LMBR1: variants seen among roughly 807,000 people sequenced by gnomAD.
LMBR1 encodes limb development membrane protein 1.
A neutral mutation model predicts 73.9 loss-of-function variants in LMBR1; 52 were observed. That is an observed-to-expected ratio of 0.70 (90% CI 0.56 to 0.89). The LOEUF (loss-of-function observed/expected upper bound fraction) is 0.89. LMBR1 is among the 40% of genes least tolerant of loss of function. The pLI is 0.00. For synonymous variants in LMBR1, 215 were observed against 209.4 expected (o/e 1.03, Z -0.23); for missense variants, 539 against 579.8 (o/e 0.93, Z 0.72).
chr7:156,885,935 G>C (rs2134539495), intron 1 of LMBR1, among the ~76,000 whole-genome samples: 1 of 151,956 alleles, frequency 6.6e-6, no homozygotes, highest in East Asian at 1.9e-4. Flanking sequence ...AGCTACTCAA[G>C]AGGCTGAGGC....
intron 15 of LMBR1, among the ~76,000 whole-genome samples, chr7:156,699,425 A>T (rs9691209): frequency 6.6e-6 from 1 of 150,502 alleles, no homozygotes; most frequent in South Asian, 2.1e-4. Flanking sequence ...TAAAGACTTA[A>T]ATGTTAGACC....
At chr7:156,879,445 C>A (rs1382138134) in intron 1 of LMBR1, among the ~76,000 whole-genome samples, 1 of 151,998 alleles carries the variant, frequency 6.6e-6, no homozygotes, top group Non-Finnish European at 1.5e-5. Context: ...CGAGCAGATC[C>A]CGAGGTCAGG....
intron 4 of LMBR1, among the ~76,000 whole-genome samples, chr7:156,813,559 G>A (rs1264906070): frequency 6.6e-6 from 1 of 151,790 alleles, no homozygotes; most frequent in Non-Finnish European, 1.5e-5. Flanking sequence ...TGAAATATAC[G>A]TTCTCTTCAT....
At chr7:156,885,144 G>A (rs1801677595) in intron 1 of LMBR1, among the ~76,000 whole-genome samples, 1 of 152,100 alleles carries the variant, frequency 6.6e-6, no homozygotes, top group Non-Finnish European at 1.5e-5. Flanking sequence ...CCTGAGGTCA[G>A]GAGTTCAAGA....
chr7:156,757,177 T>C (rs1822052879), intron 8 of LMBR1, among the ~76,000 whole-genome samples: 1 of 152,178 alleles, frequency 6.6e-6, no homozygotes, highest in Non-Finnish European at 1.5e-5. Flanking sequence ...CTACAGTAAA[T>C]ATAGGCCCAA....
At chr7:156,891,558 T>C (rs375428915) in intron 1 of LMBR1, among the ~76,000 whole-genome samples, 2 of 152,196 alleles carry the variant, frequency 1.3e-5, no homozygotes, top group African/African-American at 2.4e-5. Flanking sequence ...GAGGAGAAAG[T>C]AATTGGAAGA....
chr7:156,848,050 G>A (rs1190437934), intron 1 of LMBR1, among the ~76,000 whole-genome samples: 2 of 149,998 alleles, frequency 1.3e-5, no homozygotes, highest in African/African-American at 4.9e-5. Context: ...AAATGTAGAA[G>A]ATCATTCAAC....
intron 1 of LMBR1, among the ~76,000 whole-genome samples, chr7:156,881,264 T>C (rs1801041629): frequency 6.6e-6 from 1 of 152,166 alleles, no homozygotes; most frequent in Admixed American, 6.5e-5. Context: ...CCTCAACAAA[T>C]GGTGTTGGGA....
intron 1 of LMBR1, among the ~76,000 whole-genome samples, chr7:156,845,440 TA>T (rs924798466): frequency 5.3e-5 from 8 of 151,952 alleles, no homozygotes; most frequent in Admixed American, 5.2e-4. Context: ...GACTATGTAG[TA>T]AAAGACAGGA....
chr7:156,828,994 C>T (rs529168022), intron 3 of LMBR1, among the ~76,000 whole-genome samples: 31 of 152,154 alleles, frequency 2.0e-4, no homozygotes, highest in Admixed American at 9.2e-4. Context: ...GCTCATTAGA[C>T]GCCCCTTTCC....
At position 156,682,099 on chromosome 7, in the gene LMBR1, A is replaced by G. The variant is rs1805157680; in HGVS notation, c.*1979T>C. ...CATGCATATCCTTTGCTTCAACAGC[A>G]GTGAGGATGCCTCCAGGAAGTGTAT... On this transcript the variant is annotated 3_prime_UTR_variant, in exon 17 of 17. Transcript: ENST00000353442. 6.6e-6 allele frequency: 1 copy of G among 152,294 alleles called. No homozygotes were observed. Among genetic ancestry groups the G allele is most frequent in the South Asian group, 2.1e-4 (1 of 4,836 alleles). The allele number at this position is 152,294 out of a possible 1,614,324, so 9.4% of individuals were successfully genotyped here.
chr7:156,834,326 C>T (rs1370643519), intron 2 of LMBR1, among the ~76,000 whole-genome samples: 2 of 152,050 alleles, frequency 1.3e-5, no homozygotes, highest in African/African-American at 4.8e-5. Flanking sequence ...ATTGGCTGGG[C>T]GCAATGGCTC....
chr7:156,671,896 C>T lies in LMBR1; in HGVS notation n.867-2609G>A, dbSNP rs118016827. On this transcript the variant is annotated intron_variant and non_coding_transcript_variant, in intron 4 of 4. Transcript: ENST00000430825. ...TTTGAAAATAAACGGTTCTAAATAA[C>T]GTATTAATCGAAGACAAAATTATAA... Among the ~76,000 whole-genome samples, 604 of 152,052 alleles carry T rather than the reference C, an allele frequency of 4.0e-3. 1 individual carries two copies. Among genetic ancestry groups the T allele is most frequent in the Non-Finnish European group, 7.2e-3 (491 of 68,014 alleles).
intron 1 of LMBR1, among the ~76,000 whole-genome samples, chr7:156,890,765 A>G (rs2134634265): frequency 6.6e-6 from 1 of 152,366 alleles, no homozygotes; most frequent in East Asian, 1.9e-4. Context: ...CACTGGTACA[A>G]CCACTTTGGA....
intron 5 of LMBR1, among the ~76,000 whole-genome samples, chr7:156,789,115 G>T (rs899614274): frequency 1.3e-5 from 2 of 152,094 alleles, no homozygotes; most frequent in Non-Finnish European, 2.9e-5. Flanking sequence ...TCTGTGCTAC[G>T]AATAGAATAA....
intron 1 of LMBR1, among the ~76,000 whole-genome samples, chr7:156,847,278 T>C (rs1417581034): frequency 6.6e-6 from 1 of 152,078 alleles, no homozygotes; most frequent in Non-Finnish European, 1.5e-5. Flanking sequence ...TTCACAACAA[T>C]TAACTCAAAA....
At chr7:156,788,181 T>C (rs1828497696) in intron 5 of LMBR1, among the ~76,000 whole-genome samples, 1 of 152,136 alleles carries the variant, frequency 6.6e-6, no homozygotes, top group African/African-American at 2.4e-5. Flanking sequence ...AAGCCTGGAA[T>C]CCCAGCATTT....
chr7:156,835,099 C>T (rs1837382136), intron 2 of LMBR1, among the ~76,000 whole-genome samples: 1 of 152,088 alleles, frequency 6.6e-6, no homozygotes, highest in African/African-American at 2.4e-5. Flanking sequence ...GAGATCACGC[C>T]ACTGCACTCC....
chr7:156,762,948 A>G (rs1823385847), intron 7 of LMBR1, among the ~76,000 whole-genome samples, 160 bp downstream of exon 7: 1 of 152,092 alleles, frequency 6.6e-6, no homozygotes, highest in Non-Finnish European at 1.5e-5. Context: ...TTATTATTTC[A>G]AAGTTTCCAT....
Sources: allele counts gnomAD v4.1 joint callset (sites outside exome capture counted in the v4.1 genomes callset), GRCh38; gene constraint gnomAD v4.1.1; transcripts MANE v1.5; gene names NCBI Gene and HGNC (gene_info 2026-07-23, HGNC 2026-07-21).